Variants in PIK3CB observed in about 807,000 individuals in gnomAD.
The protein encoded by PIK3CB is phosphatidylinositol-4,5-bisphosphate 3-kinase catalytic subunit beta.
Under a neutral mutation model 136.8 loss-of-function variants are expected in PIK3CB, and 39 were observed. The ratio of observed to expected loss-of-function variants is 0.29; its 90% confidence interval spans 0.22 to 0.37. The LOEUF is 0.37. Ranked by LOEUF, PIK3CB falls within the 10% of genes least tolerant of loss-of-function variation. The pLI is 1.00. For missense variants in PIK3CB, 868 were observed against 1,275.4 expected, an observed-to-expected ratio of 0.68 and a Z score of 4.87; for synonymous variants, 428 against 436.6, an observed-to-expected ratio of 0.98 and a Z score of 0.25.
chr3:138,829,496 T>C (rs746914952), intron 1 of PIK3CB, among the ~76,000 whole-genome samples: 17 of 151,930 alleles, frequency 1.1e-4, no homozygotes, highest in Non-Finnish European at 2.2e-4. Flanking sequence ...GAGATAAAAT[T>C]TAGAGTGTGC....
intron 4 of PIK3CB, among the ~76,000 whole-genome samples, chr3:138,754,647 T>C (rs1013025869): frequency 6.6e-5 from 10 of 152,266 alleles, no homozygotes; most frequent in Admixed American, 5.9e-4. Flanking sequence ...TCTGAAGTAA[T>C]CAAATATTTT....
At chr3:138,766,044 A>C (rs926522350) in intron 2 of PIK3CB, among the ~76,000 whole-genome samples, 6 of 152,236 alleles carry the variant, frequency 3.9e-5, no homozygotes, top group African/African-American at 1.4e-4. Flanking sequence ...GCTTTGCCTA[A>C]TGCTGCCATG....
chr3:138,824,881 C>CTACAA (rs1198752333), intron 1 of PIK3CB, among the ~76,000 whole-genome samples: 2 of 132,766 alleles, frequency 1.5e-5, no homozygotes, highest in Admixed American at 7.9e-5. Flanking sequence ...AACACTGCCT[C>CTACAA]TACAAAATAC....
At chr3:138,664,691 A>G (rs1304502907) in intron 20 of PIK3CB, among the ~76,000 whole-genome samples, 3 of 152,186 alleles carry the variant, frequency 2.0e-5, no homozygotes, top group Non-Finnish European at 4.4e-5. Flanking sequence ...AGAAATCACA[A>G]TCTACCAACT....
At chr3:138,746,617 C>T (rs1039801862) in intron 4 of PIK3CB, among the ~76,000 whole-genome samples, 3 of 151,876 alleles carry the variant, frequency 2.0e-5, no homozygotes, top group Admixed American at 6.6e-5. Context: ...GCCGAGATCA[C>T]GCCACTGCAC....
rs994215413 is a variant in PIK3CB at position 138,680,112 on chromosome 3, C to T, written c.2504+1855G>A. Among the ~76,000 whole-genome samples, 12 of 152,022 alleles carry T rather than the reference C, an allele frequency of 7.9e-5. No homozygotes were observed. In the South Asian group the frequency reaches 2.3e-3, roughly 29 times the overall value. ...CGGCGACTCACGCCTGTAATTCCAG[C>T]ACTTTGGGAGCCCAAGGCAGGCAGA... On this transcript the variant is annotated intron_variant, in intron 19 of 23. Coordinates refer to ENST00000674063, the MANE Select transcript of PIK3CB (RefSeq NM_006219.3).
At chr3:138,675,442 A>G (rs2043624760) in intron 19 of PIK3CB, among the ~76,000 whole-genome samples, 1 of 152,158 alleles carries the variant, frequency 6.6e-6, no homozygotes, top group Admixed American at 6.5e-5. Context: ...ATGAAAAACA[A>G]TAATATATAT....
intron 4 of PIK3CB, among the ~76,000 whole-genome samples, chr3:138,746,551 C>T (rs2045358455): frequency 6.6e-6 from 1 of 151,960 alleles, no homozygotes; most frequent in African/African-American, 2.4e-5. Flanking sequence ...GTCCCAGCTC[C>T]TCGGGAGGCT....
At chr3:138,759,034 A>G (rs2045624072) in intron 3 of PIK3CB, 139 bp downstream of exon 3, 6 of 502,860 alleles carry the variant, frequency 1.2e-5, no homozygotes, top group Non-Finnish European at 1.3e-5. Context: ...GCTAACATAA[A>G]CTAATTTTTC....
chr3:138,747,995 G>A (rs2045395455), intron 4 of PIK3CB, among the ~76,000 whole-genome samples: 1 of 152,020 alleles, frequency 6.6e-6, no homozygotes. Flanking sequence ...GTTTATGTGT[G>A]CATTTATTTT....
intron 16 of PIK3CB, among the ~76,000 whole-genome samples, chr3:138,686,289 A>G (rs1223068076): frequency 1.3e-5 from 2 of 151,796 alleles, no homozygotes; most frequent in Non-Finnish European, 2.9e-5. Flanking sequence ...AAATACAAAA[A>G]TTAGCCAAGC....
intron 1 of PIK3CB, among the ~76,000 whole-genome samples, chr3:138,806,890 C>T (rs567438793): frequency 6.6e-6 from 1 of 152,330 alleles, no homozygotes; most frequent in East Asian, 1.9e-4. Context: ...AAGAGGCTTA[C>T]TCTCCATAAT....
chr3:138,726,104 T>C (rs140453763), intron 8 of PIK3CB, among the ~76,000 whole-genome samples: 62 of 152,334 alleles, frequency 4.1e-4, no homozygotes, highest in African/African-American at 1.5e-3. Context: ...TTTGCATCTG[T>C]CCCATGTGTG....
In PIK3CB at chr3:138,722,221, G is replaced by GACACAC. The variant is rs56139182; in HGVS notation, c.1051-7508_1051-7503dup. 7.5e-3 allele frequency among the ~76,000 whole-genome samples: 1,081 copies of GACACAC among 144,208 alleles called. 15 individuals carry two copies. Among genetic ancestry groups the GACACAC allele is most frequent in the African/African-American group, 0.025 (975 of 38,786 alleles). 94.6% of individuals were successfully genotyped at this position (144,208 alleles called of 152,430 possible). A position where few individuals can be genotyped will look rare whatever the true frequency, so the allele number is the denominator to read the frequency against. On this transcript the variant is annotated intron_variant, in intron 8 of 23. Coordinates refer to ENST00000674063, the MANE Select transcript of PIK3CB (RefSeq NM_006219.3). ...TCTGTATTGTATGTGCTATGTAAGAGACACACACACACACACACACACACA... is the reference window on the plus strand; with the variant it reads ...TCTGTATTGTATGTGCTATGTAAGAGACACACACACACACACACACACACACACACA...
At chr3:138,663,308 T>C (rs1299405355) in intron 21 of PIK3CB, among the ~76,000 whole-genome samples, 1 of 152,216 alleles carries the variant, frequency 6.6e-6, no homozygotes, top group Non-Finnish European at 1.5e-5. Context: ...ATCCGCTCCT[T>C]CTGTTAGGTA....
intron 1 of PIK3CB, among the ~76,000 whole-genome samples, chr3:138,833,453 T>C (rs1437328973): frequency 6.6e-6 from 1 of 152,210 alleles, no homozygotes; most frequent in African/African-American, 2.4e-5. Context: ...TGCTACATTA[T>C]TATGACTTAA....
chr3:138,742,116 A>C (rs1377562729), intron 5 of PIK3CB, among the ~76,000 whole-genome samples: 2 of 152,238 alleles, frequency 1.3e-5, no homozygotes, highest in Admixed American at 6.5e-5. Context: ...ATGAGAAAAA[A>C]ATATTTCCAA....
rs540216000 is a variant in PIK3CB at position 138,739,928 on chromosome 3, G to A, written c.622-2042C>T. Among the ~76,000 whole-genome samples the A allele has an allele frequency of 2.6e-5, 4 of 151,272 alleles. No individual in the cohort carries two copies. In the South Asian group the frequency reaches 8.4e-4, roughly 32 times the overall value. ...AAATAAAAAAAAAAAAAATAAAAGA[G>A]ACCCCAGAGAGCTTCCTCTCCTCTT... On this transcript the variant is annotated intron_variant, in intron 5 of 23. Coordinates refer to ENST00000674063, the MANE Select transcript of PIK3CB (RefSeq NM_006219.3).
intron 1 of PIK3CB, among the ~76,000 whole-genome samples, chr3:138,815,380 T>A (rs1576429402): frequency 2.8e-5 from 2 of 72,406 alleles, no homozygotes; most frequent in African/African-American, 5.0e-5. Context: ...AAAAAACTAG[T>A]CAAAACCATA....
Sources: gnomAD v4.1 joint callset for allele counts (sites outside exome capture counted in the v4.1 genomes callset) on GRCh38, gnomAD v4.1.1 for gene constraint, MANE v1.5 for transcripts, NCBI Gene and HGNC (gene_info 2026-07-23, HGNC 2026-07-21) for gene names.